SLIT1: variants seen among roughly 807,000 people sequenced by gnomAD.
SLIT1 encodes the protein slit guidance ligand 1, also known as slit homolog 1 protein.
SLIT1 carries 66 observed loss-of-function variants against 186.1 expected under a neutral mutation model. The ratio of observed to expected loss-of-function variants is 0.35; its 90% CI spans 0.29 to 0.44. The LOEUF (loss-of-function observed/expected upper bound fraction) is 0.44. Ranked by LOEUF, SLIT1 falls within the 20% of genes least tolerant of loss-of-function variation. The probability of loss-of-function intolerance (pLI) is 1.00; values close to 1 mark genes in which losing one functional copy is unlikely to be tolerated. For synonymous variants in SLIT1, 761 were observed against 833.8 expected (o/e 0.91, Z 1.50); for missense variants, 1,638 against 2,037.4 (o/e 0.80, Z 3.77).
At chr10:97,153,091 A>T (rs932937378) in intron 4 of SLIT1, 2 of 152,196 alleles carry the variant, frequency 1.3e-5, no homozygotes, top group Admixed American at 6.5e-5. Context: ...CCCAAATATG[A>T]GATTCCTAGG....
In SLIT1 at chr10:97,001,182, C is replaced by T; in HGVS notation, c.4535G>A (p.Cys1512Tyr). The T allele has an allele frequency of 6.2e-7, 1 of 1,613,322 alleles. No homozygotes were observed. Among genetic ancestry groups the T allele is most frequent in the Non-Finnish European group, 8.5e-7 (1 of 1,179,880 alleles). The stretch of plus-strand genomic sequence containing the variant: ...CTCGGCAAAAGAGGTCCCATCGCTG[C>T]ACTCAAAGGTGAACTTCCTCCGCTT... Reference protein sequence around the residue: ...RLKRRKFTFECSDGTSFAEEV... With the variant: ...RLKRRKFTFEYSDGTSFAEEV... Residue 1512 changes from cysteine to tyrosine, a missense_variant, in exon 37 of 37, where the codon TGC becomes TAC. Physicochemically the swap from Cys to Tyr is radical, Grantham distance 194. Transcript: ENST00000266058.
At chr10:97,059,714 T>G (rs1282321783) in intron 10 of SLIT1, among the ~76,000 whole-genome samples, 183 bp from the exon 11 acceptor site, 2 of 152,136 alleles carry the variant, frequency 1.3e-5, no homozygotes, top group Non-Finnish European at 2.9e-5. Flanking sequence ...CTGTGCAGTC[T>G]GAGGGCTGGG....
In SLIT1 at chr10:96,998,367, A is replaced by G. The variant is rs778956655; in HGVS notation, c.*2745T>C. The G allele has an allele frequency of 2.6e-5, 4 of 152,248 alleles. No homozygotes were observed. Among genetic ancestry groups the G allele is most frequent in the Admixed American group, 1.3e-4 (2 of 15,288 alleles). 9.4% of individuals were successfully genotyped at this position (152,248 alleles called of 1,614,324 possible). ...GGCTACCAGCAGGCAAAGAGGAGAC[A>G]AAGTCCAGCCTTTTCCACTTCCTGA... is the stretch of plus-strand genomic sequence containing the variant. On this transcript the variant is annotated 3_prime_UTR_variant, in exon 37 of 37. Coordinates refer to ENST00000266058, the MANE Select transcript of SLIT1 (RefSeq NM_003061.3).
intron 28 of SLIT1, 33 bp from the exon 29 acceptor site, chr10:97,014,191 C>T (rs919523769): frequency 1.9e-6 from 3 of 1,609,736 alleles, no homozygotes; most frequent in Non-Finnish European, 2.5e-6. Flanking sequence ...GAGAGACAGC[C>T]CTCTTGGAAC....
chr10:97,168,510 A>C (rs1196932071), intron 1 of SLIT1, among the ~76,000 whole-genome samples: 1 of 152,230 alleles, frequency 6.6e-6, no homozygotes, highest in Non-Finnish European at 1.5e-5. Context: ...AATGAGACAC[A>C]AATGTTACCC....
In SLIT1 at chr10:97,047,955, A is replaced by AT. The variant is rs761379628; in HGVS notation, c.1489+17dup. 12 of 1,613,952 alleles carry AT rather than the reference A, an allele frequency of 7.4e-6. No individual in the cohort carries two copies. The highest frequency in any genetic ancestry group is 1.0e-5 in the Non-Finnish European group (12 of 1,179,888). On this transcript the variant is annotated intron_variant, in intron 15 of 36. Coordinates refer to ENST00000266058, the MANE Select transcript of SLIT1 (RefSeq NM_003061.3). The stretch of plus-strand genomic sequence containing the variant: ...ACCATTCCCGCCAGGCTGGCCTTGG[A>AT]TCCCCCCACTCTCCTACCTGGAATG...
chr10:97,027,243 G>T (rs185611755), intron 25 of SLIT1, among the ~76,000 whole-genome samples: 19 of 152,310 alleles, frequency 1.2e-4, no homozygotes, highest in Admixed American at 3.3e-4. Flanking sequence ...GTGGGTCTAT[G>T]TCATCCTTTT....
At chr10:97,028,231 G>GC (rs1189956987) in intron 25 of SLIT1, among the ~76,000 whole-genome samples, 2 of 152,102 alleles carry the variant, frequency 1.3e-5, no homozygotes, top group Non-Finnish European at 2.9e-5. Context: ...TCCCAACCTG[G>GC]CCTATGTCCA....
intron 2 of SLIT1, 148 bp from the exon 3 acceptor site, chr10:97,163,599 G>T: frequency 7.0e-6 from 5 of 714,856 alleles, no homozygotes; most frequent in Non-Finnish European, 1.2e-5. Flanking sequence ...CCTCACACAG[G>T]CCTATGCCTG....
At chr10:97,153,787 G>A (rs1849910574) in intron 4 of SLIT1, 1 of 152,318 alleles carries the variant, frequency 6.6e-6, no homozygotes, top group Non-Finnish European at 1.5e-5. Context: ...CCTGAGTCAT[G>A]ATGGAATCGA....
At chr10:97,160,071 G>A (rs1273886867) in intron 3 of SLIT1, among the ~76,000 whole-genome samples, 1 of 152,058 alleles carries the variant, frequency 6.6e-6, no homozygotes, top group Non-Finnish European at 1.5e-5. Context: ...TATGATCCTG[G>A]CCACGGTACA....
rs1848589285 is a variant in SLIT1, at chr10:97,031,385, A to G, written c.2510+221T>C. Among the ~76,000 whole-genome samples, 3 of 152,126 alleles carry G rather than the reference A, an allele frequency of 2.0e-5. 1 individual carries two copies. Among genetic ancestry groups the G allele is most frequent in the Admixed American group, 2.0e-4 (3 of 15,286 alleles). On this transcript the variant is annotated intron_variant, in intron 24 of 36. Transcript: ENST00000266058. ...GTCCCGCCCCTACCACCACAAACTC[A>G]TCTTGGGGGTGACAGCAACCCCCAT...
At chr10:97,177,444 C>T (rs751505620) in intron 1 of SLIT1, among the ~76,000 whole-genome samples, 18 of 152,208 alleles carry the variant, frequency 1.2e-4, no homozygotes, top group Admixed American at 5.2e-4. Flanking sequence ...CACTTCCCCT[C>T]GTATCTTGGC....
At chr10:97,090,322 C>T (rs1849216673) in intron 4 of SLIT1, among the ~76,000 whole-genome samples, 2 of 152,178 alleles carry the variant, frequency 1.3e-5, no homozygotes, top group African/African-American at 4.8e-5. Context: ...AAGAAGCAAG[C>T]AGCCAAGCAG....
chr10:97,060,310 G>A (rs80347374), intron 9 of SLIT1, 152 bp from the exon 10 acceptor site: 49,892 of 694,602 alleles, frequency 0.072, 2,366 homozygotes, highest in Non-Finnish European at 0.092. Context: ...GGGTAAGGAC[G>A]CCGGGACAGA....
Position 97,064,152 on chromosome 10 carries a change from G to T in SLIT1, c.629+16C>A. 5 of 1,606,994 alleles carry T rather than the reference G, an allele frequency of 3.1e-6. No homozygotes were observed. Among genetic ancestry groups the T allele is most frequent in the South Asian group, 2.2e-5 (2 of 89,648 alleles). ...GGGCTTGGCTGCCCCGCTCCCAGCT[G>T]CCCCGGCTGACTCACAAGGTCCGTA... On this transcript the variant is annotated intron_variant, in intron 7 of 36. Transcript: ENST00000266058.
chr10:97,153,475 AG>A (rs1849904743), intron 4 of SLIT1: 2 of 152,362 alleles, frequency 1.3e-5, no homozygotes, highest in African/African-American at 4.8e-5. Flanking sequence ...GGGAAGAATT[AG>A]TAACAGATCC....
intron 3 of SLIT1, among the ~76,000 whole-genome samples, chr10:97,162,931 GC>G (rs1270145581): frequency 6.6e-6 from 1 of 152,104 alleles, no homozygotes; most frequent in African/African-American, 2.4e-5. Context: ...ATCAGGACAG[GC>G]CTCCACCTTC....
intron 23 of SLIT1, among the ~76,000 whole-genome samples, chr10:97,034,121 T>C (rs1057424684): frequency 1.3e-5 from 2 of 152,202 alleles, no homozygotes; most frequent in Non-Finnish European, 2.9e-5. Flanking sequence ...TGCCTCTGCC[T>C]CCCAAAGTGC....
Sources: allele counts gnomAD v4.1 joint callset (sites outside exome capture counted in the v4.1 genomes callset), GRCh38; gene constraint gnomAD v4.1.1; transcripts MANE v1.5; gene names NCBI Gene and HGNC (gene_info 2026-07-23, HGNC 2026-07-21).